The following IFT80 variants were observed in gnomAD, a reference collection of about 807,000 sequenced individuals.
The protein encoded by IFT80 is intraflagellar transport protein 80 homolog.
In IFT80, 79 loss-of-function variants were observed where a neutral mutation model predicts 107.9. That is an observed-to-expected ratio of 0.73 (90% CI 0.61 to 0.88). The LOEUF (loss-of-function observed/expected upper bound fraction) is 0.88. IFT80 is among the 40% of genes least tolerant of loss of function. The probability of loss-of-function intolerance (pLI) is 0.00; values close to 1 mark genes in which losing one functional copy is unlikely to be tolerated. For synonymous variants in IFT80, 299 were observed against 300.9 expected, an observed-to-expected ratio of 0.99 and a Z score of 0.07; for missense variants, 797 against 914.2, an observed-to-expected ratio of 0.87 and a Z score of 1.65.
chr3:160,263,449 AT>A (rs1483007758), intron 19 of IFT80, among the ~76,000 whole-genome samples: 3 of 152,092 alleles, frequency 2.0e-5, no homozygotes, highest in Non-Finnish European at 4.4e-5. Flanking sequence ...CTATTCTCTT[AT>A]CCTGGTATTA....
chr3:160,319,277 A>G (rs1184595787), intron 9 of IFT80, among the ~76,000 whole-genome samples: 1 of 152,050 alleles, frequency 6.6e-6, no homozygotes, highest in East Asian at 1.9e-4. Context: ...CTAATTCCCA[A>G]TAAGAACTTC....
At chr3:160,282,707 A>C in intron 13 of IFT80, 94 bp from the exon 14 acceptor site, 1 of 757,020 alleles carries the variant, frequency 1.3e-6, no homozygotes, top group East Asian at 2.7e-5. Flanking sequence ...TTTAAGATCA[A>C]TTAAATGTCA....
chr3:160,345,973 A>G (rs891027964), intron 8 of IFT80, among the ~76,000 whole-genome samples: 2 of 152,220 alleles, frequency 1.3e-5, no homozygotes, highest in Admixed American at 1.3e-4. Context: ...ATTATTATAC[A>G]TTGCATGCCT....
intron 8 of IFT80, among the ~76,000 whole-genome samples, chr3:160,336,139 C>A (rs1459098389): frequency 1.3e-5 from 2 of 152,134 alleles, no homozygotes; most frequent in Non-Finnish European, 2.9e-5. Context: ...CATACGTTTT[C>A]ATTTCTCTTG....
intron 8 of IFT80, among the ~76,000 whole-genome samples, chr3:160,321,533 G>A (rs2108300448): frequency 6.6e-6 from 1 of 152,000 alleles, no homozygotes; most frequent in Non-Finnish European, 1.5e-5. Context: ...GTGGAAGCCT[G>A]AAACTATAGA....
chr3:160,351,106 C>A (rs1047627305), intron 8 of IFT80, among the ~76,000 whole-genome samples: 3 of 151,744 alleles, frequency 2.0e-5, no homozygotes, highest in Non-Finnish European at 2.9e-5. Flanking sequence ...ATGACTAAAT[C>A]ACCAAACTCC....
intron 10 of IFT80, among the ~76,000 whole-genome samples, chr3:160,306,572 G>A (rs961465933): frequency 4.6e-5 from 7 of 150,878 alleles, no homozygotes; most frequent in African/African-American, 1.7e-4. Flanking sequence ...TTCCTCTTTT[G>A]CTCTCATGTA....
At chr3:160,350,142 T>C (rs11918749) in intron 8 of IFT80, among the ~76,000 whole-genome samples, 80,221 of 151,822 alleles carry the variant, frequency 0.53, 21,664 homozygotes, top group African/African-American at 0.57. Context: ...AGGCCGGGCA[T>C]GGTGGCTCAT....
rs550773535 is a variant in IFT80, at chr3:160,309,612, G to A, written c.958-1831C>T. Reference sequence around the variant, plus strand: ...TGAGGCAGGAGAATGGCATGACCCCGGGAGGTGGAGCTTGCAGTGAGCTGA... The same window carrying A: ...TGAGGCAGGAGAATGGCATGACCCCAGGAGGTGGAGCTTGCAGTGAGCTGA... On this transcript the variant is annotated intron_variant, in intron 9 of 19. Transcript: ENST00000326448. Among the ~76,000 whole-genome samples the A allele has an allele frequency of 2.6e-4, 39 of 152,172 alleles. 1 individual carries two copies. Among genetic ancestry groups the A allele is most frequent in the South Asian group, 1.7e-3 (8 of 4,814 alleles).
chr3:160,376,227 G>T (rs1194550641), intron 4 of IFT80, among the ~76,000 whole-genome samples: 2 of 152,208 alleles, frequency 1.3e-5, no homozygotes, highest in African/African-American at 4.8e-5. Flanking sequence ...TCTAAGAAAA[G>T]TGTTTCCAGT....
chr3:160,269,176 C>A (rs1713597494), intron 18 of IFT80, among the ~76,000 whole-genome samples: 2 of 149,974 alleles, frequency 1.3e-5, no homozygotes, highest in South Asian at 4.2e-4. Flanking sequence ...TTGCAGTGAG[C>A]TGAGATCGCG....
intron 1 of IFT80, among the ~76,000 whole-genome samples, chr3:160,395,785 A>C (rs1219685837): frequency 6.6e-6 from 1 of 152,198 alleles, no homozygotes; most frequent in Non-Finnish European, 1.5e-5. Flanking sequence ...CTGAACCCTT[A>C]ATCCAGTTAT....
chr3:160,279,275 A>G lies in IFT80; in HGVS notation c.1754T>C (p.Ile585Thr), dbSNP rs764974699. The change falls in exon 16 of 20, where the codon ATA (isoleucine) becomes ACA (threonine). Residue 585 changes from isoleucine (I) to threonine (T), a missense_variant. By Grantham distance (89) the Ile-to-Thr change is moderately conservative (BLOSUM62 -1). Coordinates refer to ENST00000326448, the MANE Select transcript of IFT80 (RefSeq NM_020800.3). The part of the protein sequence containing the change: ...RADGSLVHIS[I>T]TPYPAILHEY... ...ATGGAGAATAGCAGGATATGGTGTT[A>G]TGCTGATGTGAACCAGGGAGCCATC... The G allele has an allele frequency of 1.2e-6, 2 of 1,612,676 alleles. No individual in the cohort carries two copies. The highest frequency in any genetic ancestry group is 2.7e-5 in the African/African-American group (2 of 74,912).
intron 6 of IFT80, 118 bp downstream of exon 6, chr3:160,365,925 G>A: frequency 2.6e-6 from 2 of 765,690 alleles, no homozygotes; most frequent in South Asian, 1.4e-5. Flanking sequence ...ATTAAACCAT[G>A]TACTTAAAGA....
intron 8 of IFT80, chr3:160,342,614 A>C (rs1401996221): frequency 1.3e-5 from 2 of 152,190 alleles, no homozygotes. Context: ...TCAAAAGGAT[A>C]ATCTTTGGCT....
intron 12 of IFT80, among the ~76,000 whole-genome samples, chr3:160,286,945 G>A (rs757459664): frequency 2.6e-5 from 4 of 151,926 alleles, no homozygotes; most frequent in Non-Finnish European, 5.9e-5. Flanking sequence ...ATAGCTTCAG[G>A]ATAGGGGCTG....
intron 19 of IFT80, among the ~76,000 whole-genome samples, chr3:160,266,815 T>C (rs1446742265): frequency 6.6e-6 from 1 of 152,184 alleles, no homozygotes; most frequent in African/African-American, 2.4e-5. Context: ...TGCTCAGTTT[T>C]AACATATGAT....
chr3:160,365,976 A>G (rs915892500), intron 6 of IFT80, 67 bp downstream of exon 6: 2 of 1,184,462 alleles, frequency 1.7e-6, no homozygotes, highest in Non-Finnish European at 2.5e-6. Flanking sequence ...GAGACTCCTA[A>G]GCAAGTGCCC....
intron 8 of IFT80, among the ~76,000 whole-genome samples, chr3:160,355,088 A>G (rs982202819): frequency 3.9e-5 from 6 of 152,216 alleles, no homozygotes; most frequent in Non-Finnish European, 8.8e-5. Context: ...GGGTACTTCA[A>G]CGAACAATTC....
Sources: allele counts gnomAD v4.1 joint callset (sites outside exome capture counted in the v4.1 genomes callset), GRCh38; gene constraint gnomAD v4.1.1; transcripts MANE v1.5; gene names NCBI Gene and HGNC (gene_info 2026-07-23, HGNC 2026-07-21).